Variants in NDFIP2 observed in about 807,000 individuals in gnomAD.
NDFIP2 encodes NEDD4 family-interacting protein 2.
In NDFIP2, 19 loss-of-function variants were observed where a neutral mutation model predicts 36.0. The observed-to-expected ratio is 0.53, with a 90% CI of 0.37 to 0.77. The LOEUF is 0.77. Ranked by LOEUF, NDFIP2 falls within the 30% of genes least tolerant of loss-of-function variation. The probability of loss-of-function intolerance (pLI) is 0.00; values close to 1 mark genes in which losing one functional copy is unlikely to be tolerated. For missense variants in NDFIP2, 446 were observed against 435.8 expected, an observed-to-expected ratio of 1.02 and a Z score of -0.21; for synonymous variants, 181 against 167.7, an observed-to-expected ratio of 1.08 and a Z score of -0.61.
intron 6 of NDFIP2, among the ~76,000 whole-genome samples, chr13:79,548,733 G>A (rs1875784256): frequency 6.6e-6 from 1 of 151,930 alleles, no homozygotes; most frequent in Non-Finnish European, 1.5e-5. Flanking sequence ...TTGAGAGTTG[G>A]ATAGTTTGGT....
At chr13:79,547,551 A>T (rs552842723) in intron 5 of NDFIP2, among the ~76,000 whole-genome samples, 8 of 152,274 alleles carry the variant, frequency 5.3e-5, no homozygotes, top group African/African-American at 1.9e-4. Flanking sequence ...TTGATTTTTT[A>T]AAAAACCTTT....
In NDFIP2 at chr13:79,520,944, T is replaced by C. The variant is rs1274572561; in HGVS notation, c.456T>C (p.Ser152=). 6 of 1,611,964 alleles carry C rather than the reference T, an allele frequency of 3.7e-6. No homozygotes were observed. Among genetic ancestry groups the C allele is most frequent in the Middle Eastern group, 1.6e-4 (1 of 6,072 alleles). Residue 152 remains serine (S), a synonymous_variant, in exon 2 of 8, where the codon AGT becomes AGC. Transcript: ENST00000218652. ...LETDSSPPPY[S]SITVEVPTTS... is the part of the protein sequence containing the mutation. ...CTGACTCTTCCCCTCCACCATATAG[T>C]AGTATTACTGTGGAAGTACCTACAA... is the stretch of plus-strand genomic sequence containing the variant.
intron 1 of NDFIP2, among the ~76,000 whole-genome samples, chr13:79,500,827 G>A (rs537084145): frequency 9.9e-5 from 15 of 152,098 alleles, no homozygotes; most frequent in African/African-American, 2.2e-4. Context: ...ATATTTACCC[G>A]AAGGAGTTGT....
At chr13:79,521,382 C>A (rs1874575634) in intron 2 of NDFIP2, among the ~76,000 whole-genome samples, 1 of 152,066 alleles carries the variant, frequency 6.6e-6, no homozygotes, top group African/African-American at 2.4e-5. Flanking sequence ...ATTTCCTAAG[C>A]AATGATTAAT....
At chr13:79,484,678 A>T (rs1004611246) in intron 1 of NDFIP2, among the ~76,000 whole-genome samples, 1 of 152,222 alleles carries the variant, frequency 6.6e-6, no homozygotes, top group Non-Finnish European at 1.5e-5. Flanking sequence ...CAAAGATCTG[A>T]GTACTTTGCT....
chr13:79,506,392 C>G (rs1873869084), intron 1 of NDFIP2, among the ~76,000 whole-genome samples: 1 of 152,078 alleles, frequency 6.6e-6, no homozygotes, highest in Non-Finnish European at 1.5e-5. Context: ...AATATTCTTT[C>G]AAAACACCAT....
At chr13:79,540,154 G>A (rs1351121820) in intron 4 of NDFIP2, among the ~76,000 whole-genome samples, 7 of 152,208 alleles carry the variant, frequency 4.6e-5, no homozygotes, top group Admixed American at 4.6e-4. Flanking sequence ...TTCCATTTGA[G>A]TGTCCTTAAG....
At chr13:79,543,312 A>C (rs759611377) in intron 4 of NDFIP2, among the ~76,000 whole-genome samples, 4 of 152,220 alleles carry the variant, frequency 2.6e-5, no homozygotes, top group Non-Finnish European at 4.4e-5. Flanking sequence ...ATTAATGATA[A>C]GCTTTCAGGA....
At chr13:79,552,488 T>C (rs974075075) in intron 7 of NDFIP2, 28 bp from the exon 8 acceptor site, 3 of 151,904 alleles carry the variant, frequency 2.0e-5, no homozygotes, top group African/African-American at 7.2e-5. Context: ...TTAATACATT[T>C]TAAGACTAAT....
At chr13:79,483,659 C>T (rs2079827937) in intron 1 of NDFIP2, among the ~76,000 whole-genome samples, 2 of 152,182 alleles carry the variant, frequency 1.3e-5, no homozygotes, top group East Asian at 3.8e-4. Flanking sequence ...TTAAAAACAG[C>T]TTTTCATACT....
At chr13:79,545,488 T>C (rs560896206) in intron 5 of NDFIP2, among the ~76,000 whole-genome samples, 1 of 152,224 alleles carries the variant, frequency 6.6e-6, no homozygotes, top group Non-Finnish European at 1.5e-5. Context: ...ATACTTTTAC[T>C]GAGTTAGAGT....
At chr13:79,490,641 G>T (rs1350547659) in intron 1 of NDFIP2, among the ~76,000 whole-genome samples, 4 of 152,076 alleles carry the variant, frequency 2.6e-5, no homozygotes, top group African/African-American at 9.7e-5. Context: ...CAAAAACAGT[G>T]TGCTGGATTT....
At chr13:79,517,741 A>G (rs1874408055) in intron 1 of NDFIP2, among the ~76,000 whole-genome samples, 1 of 152,226 alleles carries the variant, frequency 6.6e-6, no homozygotes, top group African/African-American at 2.4e-5. Flanking sequence ...TGGAGCTTAT[A>G]TATAAAAGTG....
intron 1 of NDFIP2, among the ~76,000 whole-genome samples, chr13:79,486,241 G>T (rs1005544113): frequency 6.6e-6 from 1 of 151,984 alleles, no homozygotes; most frequent in African/African-American, 2.4e-5. Context: ...TTGTTCTTTT[G>T]CTCAAAAACC....
chr13:79,507,988 A>C (rs1027438272), intron 1 of NDFIP2, among the ~76,000 whole-genome samples: 9 of 151,932 alleles, frequency 5.9e-5, no homozygotes, highest in Admixed American at 3.9e-4. Context: ...TATAATGTAT[A>C]TTTTAGTTTT....
In NDFIP2 at chr13:79,520,664, A is replaced by G. The variant is rs886667522; in HGVS notation, c.322-146A>G. The G allele has an allele frequency of 2.9e-5, 17 of 584,000 alleles. No individual in the cohort carries two copies. The African/African-American group carries it at 3.0e-4, about 10-fold the overall frequency. 36.2% of individuals were successfully genotyped at this position (584,000 alleles called of 1,614,324 possible). A position where few individuals can be genotyped will look rare whatever the true frequency, so the allele number is the denominator to read the frequency against. ...TGTTTTTTAAAAACTTTGAAATACT[A>G]GTGTGATTTTGTATACTATCTAAAA... On this transcript the variant is annotated intron_variant, in intron 1 of 7. Coordinates refer to ENST00000218652, the MANE Select transcript of NDFIP2 (RefSeq NM_019080.3).
At chr13:79,507,267 G>A (rs1354668294) in intron 1 of NDFIP2, among the ~76,000 whole-genome samples, 2 of 47,088 alleles carry the variant, frequency 4.2e-5, no homozygotes, top group Non-Finnish European at 6.4e-5. Context: ...TTCTGATTGA[G>A]TTTTTTTTTT....
At chr13:79,499,520 A>C (rs749621987) in intron 1 of NDFIP2, among the ~76,000 whole-genome samples, 4 of 152,022 alleles carry the variant, frequency 2.6e-5, no homozygotes, top group Non-Finnish European at 5.9e-5. Flanking sequence ...TGGAACTAAT[A>C]AGTGATTATA....
chr13:79,549,028 T>G (rs1196002563), intron 6 of NDFIP2, among the ~76,000 whole-genome samples: 1 of 152,042 alleles, frequency 6.6e-6, no homozygotes, highest in Non-Finnish European at 1.5e-5. Context: ...TCAGATGTAT[T>G]TGCTGACATA....
Sources: gnomAD v4.1 joint callset for allele counts (sites outside exome capture counted in the v4.1 genomes callset) on GRCh38, gnomAD v4.1.1 for gene constraint, MANE v1.5 for transcripts, NCBI Gene and HGNC (gene_info 2026-07-23, HGNC 2026-07-21) for gene names.